The following MAOB variants were observed in gnomAD, a reference collection of about 807,000 sequenced individuals.
The protein encoded by MAOB is monoamine oxidase B, also known as amine oxidase [flavin-containing] B.
Under a neutral mutation model 41.9 loss-of-function variants are expected in MAOB, and 15 were observed. The ratio of observed to expected loss-of-function variants is 0.36; its 90% CI spans 0.24 to 0.55. The LOEUF (loss-of-function observed/expected upper bound fraction) is 0.55. MAOB is among the 20% of genes least tolerant of loss of function. The pLI is 0.86. For synonymous variants in MAOB, 167 were observed against 144.2 expected (o/e 1.16, Z -1.13); for missense variants, 345 against 398.7 (o/e 0.87, Z 1.15).
At chrX:43,848,319 AC>A (rs746078216) in intron 1 of MAOB, among the ~76,000 whole-genome samples, 1 of 111,955 alleles carries the variant, frequency 8.9e-6, no homozygotes, top group Non-Finnish European at 1.9e-5. Context: ...ATTTAACAAA[AC>A]TTTTTTAAAA....
At chrX:43,879,367 T>A (rs1043947441) in intron 1 of MAOB, among the ~76,000 whole-genome samples, 3 of 112,330 alleles carry the variant, frequency 2.7e-5, no homozygotes, top group Non-Finnish European at 3.8e-5. Context: ...TGCCAGAATG[T>A]CCCAAGTTTA....
At position 43,882,435 on chromosome X, in the gene MAOB, G is replaced by T. The variant is rs1373750502; in HGVS notation, c.-136C>A. 1 of 1,018,934 alleles carries T rather than the reference G, an allele frequency of 9.8e-7. No homozygotes were observed. The highest frequency in any genetic ancestry group is 2.0e-5 in the African/African-American group (1 of 49,725). 84.0% of individuals were successfully genotyped at this position (1,018,934 alleles called of 1,213,427 possible). A position where few individuals can be genotyped will look rare whatever the true frequency, so the allele number is the denominator to read the frequency against. On this transcript the variant is annotated 5_prime_UTR_variant, in exon 1 of 15. Coordinates refer to ENST00000378069, the MANE Select transcript of MAOB (RefSeq NM_000898.5). ...CGCTGCCCCCGTGCACCAGCGCCTC[G>T]GCGAGCCGCTATATTACCAGCCCCG... is the stretch of plus-strand genomic sequence containing the variant.
At chrX:43,780,447 T>A in intron 9 of MAOB, 52 bp from the exon 10 acceptor site, 1 of 974,756 alleles carries the variant, frequency 1.0e-6, no homozygotes, top group Non-Finnish European at 1.5e-6. Context: ...GGTTTCATCC[T>A]AGCCTCATTT....
chrX:43,853,166 G>A (rs1925227173), intron 1 of MAOB, among the ~76,000 whole-genome samples: 1 of 107,858 alleles, frequency 9.3e-6, no homozygotes, highest in Non-Finnish European at 1.9e-5. Flanking sequence ...TGCTCGGGAG[G>A]CTGAGGCAGG....
intron 3 of MAOB, among the ~76,000 whole-genome samples, chrX:43,830,097 C>T (rs750777359): frequency 3.9e-4 from 44 of 112,368 alleles, no homozygotes; most frequent in African/African-American, 1.3e-3. Context: ...TCATCTTTTT[C>T]ACTTTTTAAT....
At chrX:43,771,294 C>T (rs2034179188) in intron 12 of MAOB, among the ~76,000 whole-genome samples, 2 of 112,148 alleles carry the variant, frequency 1.8e-5, no homozygotes, top group Non-Finnish European at 3.8e-5. Context: ...AAATATTCAA[C>T]CCTCTATTAT....
At chrX:43,772,716 A>G (rs1018035295) in intron 12 of MAOB, among the ~76,000 whole-genome samples, 2 of 111,528 alleles carry the variant, frequency 1.8e-5, no homozygotes, top group African/African-American at 6.5e-5. Flanking sequence ...GTAATTTCCA[A>G]TGCTTGAGGT....
intron 12 of MAOB, among the ~76,000 whole-genome samples, chrX:43,771,988 A>C (rs2034190950): frequency 8.9e-6 from 1 of 111,833 alleles, no homozygotes; most frequent in South Asian, 3.8e-4. Context: ...TTACTGCATA[A>C]TCACGACAAT....
At chrX:43,847,391 T>A (rs748047852) in intron 1 of MAOB, among the ~76,000 whole-genome samples, 4 of 111,469 alleles carry the variant, frequency 3.6e-5, no homozygotes, top group Non-Finnish European at 7.5e-5. Flanking sequence ...ACAGCCACCA[T>A]CATAACTCAT....
intron 1 of MAOB, among the ~76,000 whole-genome samples, chrX:43,867,054 C>T: frequency 8.9e-6 from 1 of 112,814 alleles, no homozygotes. Context: ...CCAAGAGGAG[C>T]TCCAGTGGCC....
At chrX:43,795,666 T>G in intron 7 of MAOB, 73 bp downstream of exon 7, 1 of 929,294 alleles carries the variant, frequency 1.1e-6, no homozygotes, top group East Asian at 3.1e-5. Context: ...CTGGAGATTC[T>G]AAGAATTTTT....
chrX:43,786,822 G>A (rs1601972804), intron 8 of MAOB, among the ~76,000 whole-genome samples: 1 of 111,084 alleles, frequency 9.0e-6, no homozygotes, highest in Middle Eastern at 4.6e-3. Context: ...TCTGAGTCAA[G>A]TGAGTGCACT....
chrX:43,857,124 G>T (rs776145268), intron 1 of MAOB, among the ~76,000 whole-genome samples: 1,098 of 11,431 alleles, frequency 0.096, 17 homozygotes, highest in East Asian at 0.16. Context: ...TATAGAGAGA[G>T]AGAGAGAGAG....
At chrX:43,854,202 T>C (rs1221341643) in intron 1 of MAOB, among the ~76,000 whole-genome samples, 1 of 111,832 alleles carries the variant, frequency 8.9e-6, no homozygotes, top group Non-Finnish European at 1.9e-5. Flanking sequence ...CCCAAACAGA[T>C]GTTAAGTAAG....
intron 3 of MAOB, 105 bp downstream of exon 3, chrX:43,838,763 A>G (rs1175318767): frequency 3.8e-6 from 3 of 786,835 alleles, no homozygotes; most frequent in Non-Finnish European, 5.2e-6. Flanking sequence ...ATACATTTGC[A>G]TCATCCAGAG....
intron 3 of MAOB, among the ~76,000 whole-genome samples, chrX:43,808,626 T>A (rs1005364189): frequency 5.2e-5 from 5 of 96,198 alleles, no homozygotes; most frequent in Non-Finnish European, 1.1e-4. Flanking sequence ...AACAAAAGCA[T>A]CCTGCACATC....
intron 1 of MAOB, 126 bp downstream of exon 1, chrX:43,882,128 C>A: frequency 9.2e-7 from 1 of 1,085,674 alleles, no homozygotes; most frequent in East Asian, 3.6e-5. Context: ...TAGAGCCCTG[C>A]CCGTGCGTGG....
At chrX:43,809,012 C>T (rs2034709031) in intron 3 of MAOB, among the ~76,000 whole-genome samples, 1 of 111,086 alleles carries the variant, frequency 9.0e-6, no homozygotes, top group Non-Finnish European at 1.9e-5. Flanking sequence ...ATATTAACCT[C>T]CCACCAGAAC....
At chrX:43,867,108 A>G (rs957538888) in intron 1 of MAOB, among the ~76,000 whole-genome samples, 5 of 112,427 alleles carry the variant, frequency 4.4e-5, no homozygotes, top group African/African-American at 1.6e-4. Flanking sequence ...CAGAGGCCTT[A>G]AGTTCATGTG....
Sources: allele counts gnomAD v4.1 joint callset (sites outside exome capture counted in the v4.1 genomes callset), GRCh38; gene constraint gnomAD v4.1.1; transcripts MANE v1.5; gene names NCBI Gene and HGNC (gene_info 2026-07-23, HGNC 2026-07-21).